Variants in SIN3A observed in about 807,000 individuals in gnomAD.
SIN3A encodes paired amphipathic helix protein Sin3a.
In SIN3A, 14 loss-of-function variants were observed where a neutral mutation model predicts 146.1. The observed-to-expected ratio is 0.10, with a 90% confidence interval of 0.06 to 0.15. SIN3A has a LOEUF of 0.15. SIN3A is among the 10% of genes least tolerant of loss of function. SIN3A has a pLI of 1.00. For synonymous variants in SIN3A, 572 were observed against 572.0 expected, an observed-to-expected ratio of 1.00 and a Z score of 0.00; for missense variants, 1,028 against 1,576.0, an observed-to-expected ratio of 0.65 and a Z score of 5.89.
At chr15:75,375,053 T>C (rs1003442837) in intron 20 of SIN3A, among the ~76,000 whole-genome samples, 2 of 152,136 alleles carry the variant, frequency 1.3e-5, no homozygotes, top group African/African-American at 4.8e-5. Context: ...GAGATGTAAA[T>C]ACTGGGAGTA....
chr15:75,385,278 G>A (rs1236439335), intron 16 of SIN3A, among the ~76,000 whole-genome samples: 2 of 152,176 alleles, frequency 1.3e-5, no homozygotes, highest in Non-Finnish European at 2.9e-5. Flanking sequence ...TTGCCCAGGG[G>A]TGCTCAGCTG....
At chr15:75,435,937 C>T (rs1261004388) in intron 1 of SIN3A, among the ~76,000 whole-genome samples, 1 of 151,854 alleles carries the variant, frequency 6.6e-6, no homozygotes, top group East Asian at 1.9e-4. Context: ...CCAGCCTGGG[C>T]AACAATGGGA....
intron 10 of SIN3A, among the ~76,000 whole-genome samples, chr15:75,401,372 CA>C (rs2073408766): frequency 6.6e-6 from 1 of 151,762 alleles, no homozygotes; most frequent in African/African-American, 2.4e-5. Flanking sequence ...TACTAAAAAA[CA>C]TAACAAAAAT....
At chr15:75,440,850 C>CA (rs1838019757) in intron 1 of SIN3A, among the ~76,000 whole-genome samples, 1 of 151,874 alleles carries the variant, frequency 6.6e-6, no homozygotes, top group Non-Finnish European at 1.5e-5. Flanking sequence ...GGCGTGGTGG[C>CA]AGGCGCCTGT....
At chr15:75,422,227 AC>A (rs927404804) in intron 3 of SIN3A, 2 of 260,806 alleles carry the variant, frequency 7.7e-6, no homozygotes, top group African/African-American at 4.5e-5. Flanking sequence ...GAAACTAAAA[AC>A]TAAAAAAAAA....
chr15:75,400,886 A>G lies in SIN3A; in HGVS notation c.1581T>C (p.Ser527=). The G allele has an allele frequency of 6.2e-7, 1 of 1,614,192 alleles. No homozygotes were observed. The highest frequency in any genetic ancestry group is 8.5e-7 in the Non-Finnish European group (1 of 1,180,042). Residue 527 remains serine, a synonymous_variant, in exon 11 of 21, where the codon TCT becomes TCC. Transcript: ENST00000394947. ...WFKNFLGYKE[S]VHLETYPKER... is the part of the protein sequence containing the mutation. ...CCTTTGGATAAGTTTCCAGATGTAC[A>G]GACTCCTTATAGCCCAGAAAGTTTT...
chr15:75,380,862 G>T, intron 18 of SIN3A, 139 bp from the exon 19 acceptor site: 1 of 637,030 alleles, frequency 1.6e-6, no homozygotes, highest in Non-Finnish European at 2.8e-6. Context: ...TTTCTATAAA[G>T]ACATGATTGT....
Position 75,388,044 on chromosome 15 carries a change from C to T in SIN3A, c.3021+1608G>A, listed in dbSNP as rs147780640. Among the ~76,000 whole-genome samples the T allele has an allele frequency of 8.2e-3, 1,239 of 150,206 alleles. 19 individuals are homozygous for T. The highest frequency in any genetic ancestry group is 0.028 in the African/African-American group (1,137 of 40,784). On this transcript the variant is annotated intron_variant, in intron 16 of 20. Coordinates refer to ENST00000394947, the MANE Select transcript of SIN3A (RefSeq NM_001145358.2). ...AGATACTGTGGGAGGAGTACAGAGG[C>T]ATGCACCCTTCCAAAACCAAGGCAA...
intron 1 of SIN3A, among the ~76,000 whole-genome samples, chr15:75,437,177 C>T (rs1168203797): frequency 2.8e-5 from 4 of 145,134 alleles, no homozygotes; most frequent in African/African-American, 5.1e-5. Flanking sequence ...TCCCAGAACC[C>T]TTTTTTTTTT....
chr15:75,402,638 T>G (rs1310333935), intron 9 of SIN3A, among the ~76,000 whole-genome samples: 1 of 152,144 alleles, frequency 6.6e-6, no homozygotes, highest in East Asian at 1.9e-4. Context: ...AGTTTTTTTG[T>G]TTTGTTTTGT....
chr15:75,437,654 G>A (rs1009163183), intron 1 of SIN3A, among the ~76,000 whole-genome samples: 6 of 152,160 alleles, frequency 3.9e-5, no homozygotes, highest in Admixed American at 3.9e-4. Context: ...AGAATATAAA[G>A]AAAGCCAAAC....
chr15:75,427,063 T>A (rs996684451), intron 2 of SIN3A, among the ~76,000 whole-genome samples: 2 of 152,094 alleles, frequency 1.3e-5, no homozygotes, highest in African/African-American at 4.8e-5. Flanking sequence ...TCATTTTATA[T>A]CCTTTTTTTA....
chr15:75,424,470 T>C (rs2073891456), intron 2 of SIN3A, among the ~76,000 whole-genome samples: 1 of 151,918 alleles, frequency 6.6e-6, no homozygotes, highest in Non-Finnish European at 1.5e-5. Flanking sequence ...AAACCCGTAA[T>C]TTTTTTTCTT....
At chr15:75,384,097 G>T in intron 17 of SIN3A, 167 bp downstream of exon 17, 2 of 430,068 alleles carry the variant, frequency 4.7e-6, no homozygotes, top group Non-Finnish European at 8.3e-6. Context: ...AAAGTAGATT[G>T]TCCAGGAAGA....
chr15:75,379,621 G>A (rs908719713), intron 19 of SIN3A, among the ~76,000 whole-genome samples: 5 of 152,180 alleles, frequency 3.3e-5, no homozygotes, highest in Admixed American at 6.5e-5. Context: ...TGGAGAACCC[G>A]GCAGGGCCCT....
intron 3 of SIN3A, chr15:75,419,688 G>A (rs983052623): frequency 6.6e-6 from 1 of 151,862 alleles, no homozygotes; most frequent in Non-Finnish European, 1.5e-5. Flanking sequence ...AATTAGGCTT[G>A]GTGGTGCATG....
intron 19 of SIN3A, among the ~76,000 whole-genome samples, chr15:75,377,769 G>A (rs1466024375): frequency 1.3e-5 from 2 of 152,158 alleles, no homozygotes; most frequent in Admixed American, 1.3e-4. Context: ...AAAGTACAAT[G>A]GTATTCTTAT....
chr15:75,454,939 G>T (rs1303150255), upstream of SIN3A: 1 of 152,222 alleles, frequency 6.6e-6, no homozygotes, highest in Non-Finnish European at 1.5e-5. Flanking sequence ...GACGGGTTCC[G>T]GCACCGAATG....
chr15:75,375,854 C>A lies in SIN3A; in HGVS notation c.3402G>T (p.Arg1134=). 1 of 1,614,076 alleles carries A rather than the reference C, an allele frequency of 6.2e-7. No individual in the cohort carries two copies. The highest frequency in any genetic ancestry group is 8.5e-7 in the Non-Finnish European group (1 of 1,180,034). ...VFLPRNLRRI[R]KCQRGREQQE... is the part of the protein sequence containing the mutation. ...GCTGCTCTCGACCACGTTGACACTT[C>A]CGGATCCGCCGTAGATTCCTATTGC... The change falls in exon 20 of 21, where the codon CGG becomes CGT. Residue 1134 remains arginine (R), a synonymous_variant. Coordinates refer to ENST00000394947, the MANE Select transcript of SIN3A (RefSeq NM_001145358.2).
Sources: allele counts gnomAD v4.1 joint callset (sites outside exome capture counted in the v4.1 genomes callset), GRCh38; gene constraint gnomAD v4.1.1; transcripts MANE v1.5; gene names NCBI Gene and HGNC (gene_info 2026-07-23, HGNC 2026-07-21).